DOCK3: variants seen among roughly 807,000 people sequenced by gnomAD.
The protein encoded by DOCK3 is dedicator of cytokinesis 3, also known as dedicator of cytokinesis protein 3.
DOCK3 carries 60 observed loss-of-function variants against 265.6 expected under a neutral mutation model. That is an observed-to-expected ratio of 0.23 (90% confidence interval 0.18 to 0.28). The LOEUF is 0.28. Ranked by LOEUF, DOCK3 falls within the 10% of genes least tolerant of loss-of-function variation. The pLI is 1.00. For missense variants in DOCK3, 1,981 were observed against 2,594.3 expected, an observed-to-expected ratio of 0.76 and a Z score of 5.14; for synonymous variants, 881 against 938.0, an observed-to-expected ratio of 0.94 and a Z score of 1.11.
Position 50,806,675 on chromosome 3 carries a change from A to G in DOCK3, c.121+27917A>G, listed in dbSNP as rs116236090. 6.5e-3 allele frequency among the ~76,000 whole-genome samples: 994 copies of G among 152,066 alleles called. 6 individuals carry two copies. The highest frequency in any genetic ancestry group is 0.022 in the African/African-American group (928 of 41,472). On this transcript the variant is annotated intron_variant, in intron 2 of 52. Coordinates refer to ENST00000266037, the MANE Select transcript of DOCK3 (RefSeq NM_004947.5). Reference sequence around the variant, plus strand: ...GCAATCTTGAGCCCAAGCTTTGTGCATCTGGGGTTATGGCATTTAGCCATC... The same window carrying G: ...GCAATCTTGAGCCCAAGCTTTGTGCGTCTGGGGTTATGGCATTTAGCCATC...
intron 19 of DOCK3, among the ~76,000 whole-genome samples, chr3:51,231,218 T>G (rs912706816): frequency 3.1e-5 from 4 of 129,294 alleles, no homozygotes; most frequent in African/African-American, 1.2e-4. Flanking sequence ...AACCTCCGCC[T>G]CCTGGGTTCA....
Position 51,283,132 on chromosome 3 carries a change from A to G in DOCK3, c.2922+2928A>G, listed in dbSNP as rs140741246. Among the ~76,000 whole-genome samples, 15 of 152,316 alleles carry G rather than the reference A, an allele frequency of 9.8e-5. No homozygotes were observed. The East Asian group carries it at 2.3e-3, about 24-fold the overall frequency. On this transcript the variant is annotated intron_variant, in intron 27 of 52. Transcript: ENST00000266037. ...ACACCAAATAAACATCTATTCATGAATCACTTCCCTCTGAGAGAAGGAGAC... is the reference window on the plus strand; with the variant it reads ...ACACCAAATAAACATCTATTCATGAGTCACTTCCCTCTGAGAGAAGGAGAC...
At chr3:50,677,526 CT>C (rs1202095323) in intron 1 of DOCK3, among the ~76,000 whole-genome samples, 1 of 152,148 alleles carries the variant, frequency 6.6e-6, no homozygotes, top group Non-Finnish European at 1.5e-5. Flanking sequence ...TGAGTTTCAG[CT>C]TTGATTTTTA....
intron 1 of DOCK3, among the ~76,000 whole-genome samples, chr3:50,769,356 T>C (rs2108457209): frequency 6.6e-6 from 1 of 152,210 alleles, no homozygotes; most frequent in East Asian, 1.9e-4. Context: ...TCTAAACATG[T>C]TAGATATATT....
At chr3:50,744,749 G>T (rs1161191529) in intron 1 of DOCK3, among the ~76,000 whole-genome samples, 2 of 152,082 alleles carry the variant, frequency 1.3e-5, no homozygotes, top group East Asian at 3.9e-4. Context: ...GTTAATTTTT[G>T]TATGTGTTGA....
intron 9 of DOCK3, among the ~76,000 whole-genome samples, chr3:51,100,159 G>C (rs550481506): frequency 1.7e-4 from 26 of 152,358 alleles, no homozygotes; most frequent in African/African-American, 6.0e-4. Flanking sequence ...GTATGGTGGA[G>C]TAAGCCCCTG....
intron 5 of DOCK3, among the ~76,000 whole-genome samples, chr3:50,968,538 C>A (rs2077099773): frequency 6.7e-6 from 1 of 149,980 alleles, no homozygotes; most frequent in Non-Finnish European, 1.5e-5. Context: ...CGAGAAGATA[C>A]TTTCTATGAT....
chr3:50,952,255 C>T (rs181786867), intron 5 of DOCK3, among the ~76,000 whole-genome samples: 7 of 152,190 alleles, frequency 4.6e-5, no homozygotes, highest in South Asian at 2.1e-4. Context: ...AATGTTTTTA[C>T]GTAACAGGAC....
chr3:50,859,569 A>T (rs1366507076), intron 3 of DOCK3, among the ~76,000 whole-genome samples: 1 of 151,480 alleles, frequency 6.6e-6, no homozygotes, highest in Non-Finnish European at 1.5e-5. Flanking sequence ...TCTTACATTG[A>T]TTTTTTCTCA....
intron 27 of DOCK3, among the ~76,000 whole-genome samples, chr3:51,284,990 A>C (rs1354724469): frequency 6.6e-6 from 1 of 152,216 alleles, no homozygotes; most frequent in Non-Finnish European, 1.5e-5. Flanking sequence ...GTTCAGCTTT[A>C]TCATGAAGAT....
rs542268225 is a variant in DOCK3 at position 51,272,036 on chromosome 3, G to A, written c.2548+1029G>A. On this transcript the variant is annotated intron_variant, in intron 24 of 52. Coordinates refer to ENST00000266037, the MANE Select transcript of DOCK3 (RefSeq NM_004947.5). ...GACAATCTAATATACTAGCAGCCTA[G>A]TCTGTCTTTCACAAAGAACTTCTGG... Among the ~76,000 whole-genome samples the A allele has an allele frequency of 4.6e-5, 7 of 152,284 alleles. No homozygotes were observed. The South Asian group carries it at 1.5e-3, about 32-fold the overall frequency.
chr3:51,343,621 G>A (rs1322069812), intron 38 of DOCK3, among the ~76,000 whole-genome samples: 1 of 152,182 alleles, frequency 6.6e-6, no homozygotes, highest in African/African-American at 2.4e-5. Flanking sequence ...GAAACCAAAG[G>A]AAAAGATGTA....
chr3:51,021,620 G>A (rs911516682), intron 5 of DOCK3, among the ~76,000 whole-genome samples: 2 of 148,168 alleles, frequency 1.3e-5, no homozygotes, highest in Non-Finnish European at 3.0e-5. Context: ...ACTTTGATTA[G>A]AATTGTTTTT....
At chr3:51,182,832 G>C (rs1008825306) in intron 12 of DOCK3, among the ~76,000 whole-genome samples, 3 of 152,180 alleles carry the variant, frequency 2.0e-5, no homozygotes, top group African/African-American at 7.2e-5. Flanking sequence ...TTCCAAAAAA[G>C]CTTTTATAGA....
At chr3:51,104,162 T>C (rs965536551) in intron 9 of DOCK3, among the ~76,000 whole-genome samples, 2 of 152,096 alleles carry the variant, frequency 1.3e-5, no homozygotes, top group African/African-American at 2.4e-5. Flanking sequence ...GAAGTTTCCA[T>C]GTACAGGGAA....
chr3:51,018,137 C>T lies in DOCK3; in HGVS notation c.316-46311C>T, dbSNP rs978334777. Among the ~76,000 whole-genome samples, 4 of 151,752 alleles carry T rather than the reference C, an allele frequency of 2.6e-5. 1 individual carries two copies. Among genetic ancestry groups the T allele is most frequent in the African/African-American group, 9.7e-5 (4 of 41,096 alleles). Reference sequence around the variant, plus strand: ...GATCTCCTGACCTCAAGTGATCCACCCATCTCAATGTCCCAAAGTGTTGGG... The same window carrying T: ...GATCTCCTGACCTCAAGTGATCCACTCATCTCAATGTCCCAAAGTGTTGGG... On this transcript the variant is annotated intron_variant, in intron 5 of 52. Coordinates refer to ENST00000266037, the MANE Select transcript of DOCK3 (RefSeq NM_004947.5).
chr3:51,036,643 CT>C (rs1312328478), intron 5 of DOCK3, among the ~76,000 whole-genome samples: 1 of 151,940 alleles, frequency 6.6e-6, no homozygotes, highest in African/African-American at 2.4e-5. Context: ...GGCTCCATTT[CT>C]CTTTACTTTA....
At chr3:50,792,576 G>A (rs557984023) in intron 2 of DOCK3, among the ~76,000 whole-genome samples, 3 of 152,244 alleles carry the variant, frequency 2.0e-5, no homozygotes, top group South Asian at 2.1e-4. Context: ...TGGTTATGAC[G>A]TTGGCTGTGG....
intron 32 of DOCK3, among the ~76,000 whole-genome samples, chr3:51,323,015 C>T (rs1488908332): frequency 1.3e-5 from 2 of 150,352 alleles, no homozygotes; most frequent in Non-Finnish European, 3.0e-5. Context: ...TCTGATAAAA[C>T]AGACTTTAAA....
Sources: allele counts gnomAD v4.1 joint callset (sites outside exome capture counted in the v4.1 genomes callset), GRCh38; gene constraint gnomAD v4.1.1; transcripts MANE v1.5; gene names NCBI Gene and HGNC (gene_info 2026-07-23, HGNC 2026-07-21).